MCM6: variants seen among roughly 807,000 people sequenced by gnomAD.
MCM6 encodes the protein DNA replication licensing factor MCM6.
In MCM6, 46 loss-of-function variants were observed where a neutral mutation model predicts 94.3. That is an observed-to-expected ratio of 0.49 (90% CI 0.39 to 0.62). The LOEUF (loss-of-function observed/expected upper bound fraction) is 0.62, where lower values mean the gene tolerates loss of function less well. Ranked by LOEUF, MCM6 falls within the 20% of genes least tolerant of loss-of-function variation. MCM6 has a pLI of 0.00. For missense variants in MCM6, 865 were observed against 1,017.9 expected, an observed-to-expected ratio of 0.85 and a Z score of 2.04; for synonymous variants, 335 against 351.9, an observed-to-expected ratio of 0.95 and a Z score of 0.54.
intron 13 of MCM6, 47 bp downstream of exon 13, chr2:135,851,355 C>A (rs1396525748): frequency 6.6e-7 from 1 of 1,504,298 alleles, no homozygotes; most frequent in South Asian, 1.2e-5. Context: ...AAACATGCAA[C>A]AAATCTGTTT....
At chr2:135,868,980 T>C in intron 3 of MCM6, 120 bp from the exon 4 acceptor site, 1 of 924,832 alleles carries the variant, frequency 1.1e-6, no homozygotes, top group Non-Finnish European at 1.6e-6. Flanking sequence ...AGAGACAAGG[T>C]ATTCTTTGGA....
At chr2:135,875,328 C>T (rs1346115304) in intron 1 of MCM6, among the ~76,000 whole-genome samples, 1 of 151,868 alleles carries the variant, frequency 6.6e-6, no homozygotes, top group Non-Finnish European at 1.5e-5. Context: ...GGTGACACTG[C>T]ACTCCGGCCT....
Position 135,840,223 on chromosome 2 carries a change from T to TAAAA in MCM6, c.*608_*611dup, listed in dbSNP as rs55710286. 2.2e-5 allele frequency: 3 copies of TAAAA among 135,108 alleles called. No homozygotes were observed. Among genetic ancestry groups the TAAAA allele is most frequent in the African/African-American group, 7.8e-5 (3 of 38,462 alleles). 8.4% of individuals were successfully genotyped at this position (135,108 alleles called of 1,614,324 possible). A position where few individuals can be genotyped will look rare whatever the true frequency, so the allele number is the denominator to read the frequency against. ...AAAGTATAATAAACTTTTATAAACT[T>TAAAA]AAAAAAAAAAAAAAACAACTGGAAT... On this transcript the variant is annotated 3_prime_UTR_variant, in exon 17 of 17. Transcript: ENST00000264156.
chr2:135,856,909 C>G, intron 10 of MCM6, 26 bp from the exon 11 acceptor site: 1 of 1,599,732 alleles, frequency 6.3e-7, no homozygotes, highest in Non-Finnish European at 8.5e-7. Flanking sequence ...AGAATCTTAA[C>G]AGATTTAAAT....
intron 11 of MCM6, among the ~76,000 whole-genome samples, chr2:135,853,573 A>T (rs1185066353): frequency 6.6e-6 from 1 of 152,214 alleles, no homozygotes; most frequent in Non-Finnish European, 1.5e-5. Flanking sequence ...TAGGTAAATG[A>T]TATTATCCCC....
intron 7 of MCM6, among the ~76,000 whole-genome samples, chr2:135,864,025 C>T (rs1029603010): frequency 6.6e-6 from 1 of 151,764 alleles, no homozygotes; most frequent in African/African-American, 2.4e-5. Flanking sequence ...GCAGGAGAAT[C>T]GCTTGAACCC....
chr2:135,850,566 T>C (rs372167770), intron 13 of MCM6, among the ~76,000 whole-genome samples: 13 of 152,252 alleles, frequency 8.5e-5, no homozygotes, highest in South Asian at 2.1e-4. Context: ...ACTTCGTCAA[T>C]AGTAAAGTAC....
chr2:135,840,090 T>G lies in MCM6; in HGVS notation c.*745A>C, dbSNP rs557600805. ...GACCATAAAATTTGGGGATTGCTTG[T>G]AATATAGCAAATGACCTATTTCCCC... is the stretch of plus-strand genomic sequence containing the variant. On this transcript the variant is annotated 3_prime_UTR_variant, in exon 17 of 17. Transcript: ENST00000264156. 1.8e-4 allele frequency: 28 copies of G among 152,170 alleles called. No homozygotes were observed. Among genetic ancestry groups the G allele is most frequent in the Non-Finnish European group, 2.2e-4 (15 of 68,018 alleles). 9.4% of individuals were successfully genotyped at this position (152,170 alleles called of 1,614,324 possible).
At chr2:135,847,517 T>C (rs1435557867) in intron 14 of MCM6, among the ~76,000 whole-genome samples, 1 of 152,198 alleles carries the variant, frequency 6.6e-6, no homozygotes, top group African/African-American at 2.4e-5. Context: ...ACCCAGGGGA[T>C]TTATGTCTAT....
In MCM6 at chr2:135,857,965, G is replaced by A. The variant is rs138808270; in HGVS notation, c.1402C>T (p.Arg468Trp). The A allele has an allele frequency of 7.4e-6, 12 of 1,613,840 alleles. No homozygotes were observed. The highest frequency in any genetic ancestry group is 3.3e-5 in the South Asian group (3 of 91,074). Residue 468 changes from arginine (R) to tryptophan (W), a missense_variant, in exon 10 of 17, where the codon CGG becomes TGG. By Grantham distance (101) the Arg-to-Trp change is moderately radical. Transcript: ENST00000264156. ...GCTTCATGAATAGCAACTTGATCCCGCACGTCCATCTTATCAAATTCATCA... is the reference window on the plus strand; with the variant it reads ...GCTTCATGAATAGCAACTTGATCCCACACGTCCATCTTATCAAATTCATCA... ...CIDEFDKMDV[R>W]DQVAIHEAME...
chr2:135,842,107 G>GATAAATAAATAA (rs111345267), intron 16 of MCM6, among the ~76,000 whole-genome samples: 1 of 151,388 alleles, frequency 6.6e-6, no homozygotes, highest in Non-Finnish European at 1.5e-5. Flanking sequence ...TCTCTCAAAA[G>GATAAATAAATAA]ATAAATAAAT....
Position 135,866,741 on chromosome 2 carries a change from C to G in MCM6, c.616-13G>C, listed in dbSNP as rs1680101840. The G allele has an allele frequency of 6.3e-7, 1 of 1,579,236 alleles. No homozygotes were observed. The highest frequency in any genetic ancestry group is 1.4e-5 in the African/African-American group (1 of 73,634). On this transcript the variant is annotated splice_polypyrimidine_tract_variant and intron_variant, in intron 4 of 16. Transcript: ENST00000264156. ...CTTGAATACGAACCTGTAATACAGA[C>G]AAACAACCAACCAAGAATGAGAAGC...
intron 16 of MCM6, among the ~76,000 whole-genome samples, chr2:135,843,740 A>G (rs1446470524): frequency 6.6e-6 from 1 of 151,794 alleles, no homozygotes; most frequent in African/African-American, 2.4e-5. Context: ...CAAAAAAAAA[A>G]AAAAAAAACA....
rs773327557 is a variant in MCM6 at position 135,856,852 on chromosome 2, G to A, written c.1502C>T (p.Ala501Val). Residue 501 changes from alanine to valine, a missense_variant, in exon 11 of 17, where the codon GCA becomes GTA. Transcript: ENST00000264156. ...GTGTCCACTGATTGGGTTTGCTGCTGCCAAAATGGACGTCCGGGCGTTCAG... is the reference window on the plus strand; with the variant it reads ...GTGTCCACTGATTGGGTTTGCTGCTACCAAAATGGACGTCCGGGCGTTCAG... ...ATLNARTSIL[A>V]AANPISGHYD... 1.2e-6 allele frequency: 2 copies of A among 1,614,054 alleles called. No homozygotes were observed. Among genetic ancestry groups the A allele is most frequent in the Non-Finnish European group, 1.7e-6 (2 of 1,179,958 alleles).
rs1398903284 is a variant in MCM6 at position 135,868,846 on chromosome 2, G to A, written c.380C>T (p.Thr127Ile). Reference sequence around the variant, plus strand: ...AGTGAGCAAACCAATTCTGGATGAGGTGAGCTCTCGAATCCTGTTTAAAGA... The same window carrying A: ...AGTGAGCAAACCAATTCTGGATGAGATGAGCTCTCGAATCCTGTTTAAAGA... ...LPTRHKIREL[T>I]SSRIGLLTRI... The change falls in exon 4 of 17, where the codon ACC (threonine) becomes ATC (isoleucine). Residue 127 changes from threonine (T) to isoleucine (I), a missense_variant. Thr to Ile is a moderately conservative substitution (Grantham distance 89, BLOSUM62 -1). Transcript: ENST00000264156. The A allele has an allele frequency of 3.7e-6, 6 of 1,614,108 alleles. No individual in the cohort carries two copies. In the East Asian group the frequency reaches 8.9e-5, roughly 24 times the overall value.
chr2:135,852,267 AT>A (rs949855182), intron 12 of MCM6, among the ~76,000 whole-genome samples: 2 of 151,872 alleles, frequency 1.3e-5, no homozygotes, highest in Admixed American at 1.3e-4. Flanking sequence ...CAGAATGAGT[AT>A]TTTTTTTCCT....
Position 135,868,799 on chromosome 2 carries a change from G to A in MCM6, c.427C>T (p.Arg143Trp), listed in dbSNP as rs750353136. 1.9e-6 allele frequency: 3 copies of A among 1,614,100 alleles called. No homozygotes were observed. Among genetic ancestry groups the A allele is most frequent in the African/African-American group, 1.3e-5 (1 of 75,028 alleles). The change falls in exon 4 of 17, where the codon CGG becomes TGG. Residue 143 changes from arginine (R) to tryptophan (W), a missense_variant. Arg to Trp is a moderately radical substitution (Grantham distance 101, BLOSUM62 -3). Transcript: ENST00000264156. ...AGCTCTGGGTGAACTGGGTGAGTCC[G>A]CACCACCTGCCCACTGATGCGAGTG... is the stretch of plus-strand genomic sequence containing the variant. The part of the protein sequence containing the change: ...LLTRISGQVV[R>W]THPVHPELVS...
At chr2:135,869,625 C>T (rs1680166504) in intron 3 of MCM6, among the ~76,000 whole-genome samples, 1 of 151,980 alleles carries the variant, frequency 6.6e-6, no homozygotes. Context: ...TTCAAAATAT[C>T]ACTTCAATTT....
chr2:135,855,945 T>G (rs1238854250), intron 11 of MCM6, among the ~76,000 whole-genome samples: 5 of 152,048 alleles, frequency 3.3e-5, no homozygotes. Flanking sequence ...AAATCTACAT[T>G]TTTTCACTCA....
Sources: allele counts gnomAD v4.1 joint callset (sites outside exome capture counted in the v4.1 genomes callset), GRCh38; gene constraint gnomAD v4.1.1; transcripts MANE v1.5; gene names NCBI Gene and HGNC (gene_info 2026-07-23, HGNC 2026-07-21).